NDUFAF2: variants seen among roughly 807,000 people sequenced by gnomAD.
The protein encoded by NDUFAF2 is NADH dehydrogenase [ubiquinone] 1 alpha subcomplex assembly factor 2.
In NDUFAF2, 13 loss-of-function variants were observed where a neutral mutation model predicts 22.8. The ratio of observed to expected loss-of-function variants is 0.57; its 90% CI spans 0.37 to 0.91. The LOEUF (loss-of-function observed/expected upper bound fraction) is 0.91. Among genes scored for constraint, NDUFAF2 ranks in the 40% least tolerant of loss-of-function variants. NDUFAF2 has a pLI of 0.01. For synonymous variants in NDUFAF2, 53 were observed against 64.2 expected, an observed-to-expected ratio of 0.83 and a Z score of 0.84; for missense variants, 162 against 195.2, an observed-to-expected ratio of 0.83 and a Z score of 1.01.
At chr5:61,067,778 A>T (rs562011002) in intron 1 of NDUFAF2, among the ~76,000 whole-genome samples, 1 of 152,230 alleles carries the variant, frequency 6.6e-6, no homozygotes, top group African/African-American at 2.4e-5. Flanking sequence ...TCCCACCAAC[A>T]GTGTAAAAGT....
chr5:61,135,140 GAA>G (rs1427360387), intron 3 of NDUFAF2, among the ~76,000 whole-genome samples: 1 of 137,618 alleles, frequency 7.3e-6, no homozygotes, highest in African/African-American at 2.7e-5. Flanking sequence ...TATTTTTTCT[GAA>G]AAAAAAAAAA....
chr5:61,103,735 ATTGTTGTCTGTATTTTG>A (rs1752729587), intron 3 of NDUFAF2, among the ~76,000 whole-genome samples: 2 of 152,030 alleles, frequency 1.3e-5, no homozygotes, highest in African/African-American at 4.8e-5. Flanking sequence ...TTCCAAATTG[ATTGTTGTCTGTATTTTG>A]TTCATAGGAA....
intron 1 of NDUFAF2, among the ~76,000 whole-genome samples, chr5:61,054,051 C>G (rs1391472883): frequency 6.6e-6 from 1 of 151,894 alleles, no homozygotes; most frequent in African/African-American, 2.4e-5. Flanking sequence ...AAATTTAAAA[C>G]TTAGCTGGGC....
intron 1 of NDUFAF2, among the ~76,000 whole-genome samples, chr5:61,005,943 T>G (rs1751360695): frequency 2.0e-5 from 3 of 152,176 alleles, no homozygotes; most frequent in Admixed American, 2.0e-4. Flanking sequence ...CTCTTTAGTT[T>G]AACTAGATCC....
chr5:60,951,712 G>C (rs1360528210), intron 1 of NDUFAF2, among the ~76,000 whole-genome samples: 1 of 152,048 alleles, frequency 6.6e-6, no homozygotes, highest in Non-Finnish European at 1.5e-5. Context: ...CTTATAAAGT[G>C]AGTTAAATTT....
intron 1 of NDUFAF2, among the ~76,000 whole-genome samples, chr5:61,057,640 T>TA (rs1213876777): frequency 2.0e-5 from 3 of 152,266 alleles, no homozygotes; most frequent in African/African-American, 7.2e-5. Context: ...ACCCCTCCCT[T>TA]AACCAGAGAG....
chr5:61,080,399 G>A (rs545517080), intron 2 of NDUFAF2, among the ~76,000 whole-genome samples: 2 of 152,156 alleles, frequency 1.3e-5, no homozygotes, highest in Non-Finnish European at 2.9e-5. Flanking sequence ...TTGTATTTAA[G>A]TGTAAGTTTG....
intron 2 of NDUFAF2, among the ~76,000 whole-genome samples, chr5:61,081,489 T>C (rs1752442082): frequency 6.6e-6 from 1 of 152,160 alleles, no homozygotes. Context: ...TCTCAGGATT[T>C]GACTTAATCT....
chr5:61,127,308 C>T (rs1753049937), intron 3 of NDUFAF2, among the ~76,000 whole-genome samples: 1 of 152,056 alleles, frequency 6.6e-6, no homozygotes, highest in South Asian at 2.1e-4. Context: ...CATCCTGATA[C>T]CAAAGCCGGA....
intron 1 of NDUFAF2, among the ~76,000 whole-genome samples, chr5:60,966,153 G>T (rs1750756034): frequency 6.6e-6 from 1 of 152,080 alleles, no homozygotes; most frequent in Admixed American, 6.5e-5. Context: ...ATGCCTGATG[G>T]CCATTTATAT....
intron 1 of NDUFAF2, among the ~76,000 whole-genome samples, chr5:61,017,185 T>C (rs1444450184): frequency 6.6e-6 from 1 of 152,192 alleles, no homozygotes; most frequent in African/African-American, 2.4e-5. Context: ...ACTGATTATG[T>C]CCTAATAAGA....
chr5:61,112,456 C>T (rs894021718), intron 3 of NDUFAF2, among the ~76,000 whole-genome samples: 2 of 152,128 alleles, frequency 1.3e-5, no homozygotes, highest in African/African-American at 4.8e-5. Context: ...TCGTGATCCG[C>T]CCACTTCAGC....
chr5:61,131,648 T>G (rs1448332727), intron 3 of NDUFAF2, among the ~76,000 whole-genome samples: 4 of 152,198 alleles, frequency 2.6e-5, no homozygotes, highest in Admixed American at 1.3e-4. Context: ...GCAGCCATTA[T>G]GAAGGATAAT....
intron 1 of NDUFAF2, among the ~76,000 whole-genome samples, chr5:60,966,493 C>G (rs1436422564): frequency 6.6e-6 from 1 of 152,064 alleles, no homozygotes; most frequent in Non-Finnish European, 1.5e-5. Context: ...AGTACAAGTC[C>G]TGTGTTTTAA....
chr5:61,030,474 G>A (rs1387243724), intron 1 of NDUFAF2, among the ~76,000 whole-genome samples: 1 of 151,974 alleles, frequency 6.6e-6, no homozygotes, highest in African/African-American at 2.4e-5. Flanking sequence ...ACAGATCTCA[G>A]CTCTTGGATC....
intron 1 of NDUFAF2, among the ~76,000 whole-genome samples, chr5:61,011,878 T>TA (rs1053794899): frequency 1.3e-5 from 2 of 151,894 alleles, no homozygotes; most frequent in East Asian, 1.9e-4. Flanking sequence ...TTCTCTTTTT[T>TA]AAAAAAAATA....
intron 3 of NDUFAF2, chr5:61,116,149 C>G (rs1214387043): frequency 1.3e-5 from 2 of 152,120 alleles, no homozygotes; most frequent in Admixed American, 1.3e-4. Flanking sequence ...CTCTTACCAA[C>G]CAAGAAAAAG....
At chr5:61,040,944 G>A (rs984779964) in intron 1 of NDUFAF2, among the ~76,000 whole-genome samples, 1 of 152,068 alleles carries the variant, frequency 6.6e-6, no homozygotes, top group African/African-American at 2.4e-5. Flanking sequence ...AAATCCCTAA[G>A]GGACTGTCAA....
intron 1 of NDUFAF2, among the ~76,000 whole-genome samples, chr5:61,065,458 C>T (rs1483711603): frequency 6.6e-6 from 1 of 152,010 alleles, no homozygotes; most frequent in African/African-American, 2.4e-5. Flanking sequence ...AAAATATTAG[C>T]AAACCAAATC....
Sources: gnomAD v4.1 joint callset for allele counts (sites outside exome capture counted in the v4.1 genomes callset) on GRCh38, gnomAD v4.1.1 for gene constraint, MANE v1.5 for transcripts, NCBI Gene and HGNC (gene_info 2026-07-23, HGNC 2026-07-21) for gene names.